Variants in RHEBL1 observed in about 807,000 individuals in gnomAD.
RHEBL1 encodes the protein GTPase RhebL1.
RHEBL1 carries 22 observed loss-of-function variants against 27.4 expected under a neutral mutation model. The ratio of observed to expected loss-of-function variants is 0.80; its 90% CI spans 0.57 to 1.15. The LOEUF is 1.15. Ranked by LOEUF, RHEBL1 falls within the 50% of genes most tolerant of loss-of-function variation. The pLI is 0.00. For missense variants in RHEBL1, 186 were observed against 226.5 expected, an observed-to-expected ratio of 0.82 and a Z score of 1.15; for synonymous variants, 85 against 80.8, an observed-to-expected ratio of 1.05 and a Z score of -0.28.
intron 2 of RHEBL1, among the ~76,000 whole-genome samples, chr12:49,068,122 C>CTTTTTTTTTTTTT (rs56250975): frequency 3.5e-5 from 5 of 144,922 alleles, no homozygotes; most frequent in Admixed American, 6.9e-5. Flanking sequence ...TCTTTTTATT[C>CTTTTTTTTTTTTT]TTTTTTTTTT....
intron 2 of RHEBL1, among the ~76,000 whole-genome samples, chr12:49,068,015 C>G (rs1939025038): frequency 6.6e-6 from 1 of 152,052 alleles, no homozygotes; most frequent in African/African-American, 2.4e-5. Flanking sequence ...TATAGTCACC[C>G]TACTGATCTA....
At chr12:49,069,666 C>T in intron 1 of RHEBL1, 68 bp downstream of exon 1, 3 of 1,442,910 alleles carry the variant, frequency 2.1e-6, no homozygotes, top group Non-Finnish European at 2.9e-6. Context: ...GGTCGCGTTC[C>T]CACGGCAGCG....
At chr12:49,065,840 G>A (rs536741457) in intron 6 of RHEBL1, among the ~76,000 whole-genome samples, 2 of 151,764 alleles carry the variant, frequency 1.3e-5, no homozygotes, top group Admixed American at 6.6e-5. Flanking sequence ...CAGGAGACTC[G>A]CTTGAACCCG....
In RHEBL1 at chr12:49,069,961, A is replaced by G; in HGVS notation, c.-176T>C. On this transcript the variant is annotated 5_prime_UTR_variant, in exon 1 of 8. Coordinates refer to ENST00000301068, the MANE Select transcript of RHEBL1 (RefSeq NM_144593.3). ...CGCGCCCGGAGCTGCCCACGTGATC[A>G]CAACACAGCACGTCTAACGCCAGGG... 1.6e-6 allele frequency: 1 copy of G among 613,218 alleles called. No individual in the cohort carries two copies. Among genetic ancestry groups the G allele is most frequent in the Non-Finnish European group, 2.9e-6 (1 of 344,022 alleles). The allele number at this position is 613,218 out of a possible 1,614,324, so 38.0% of individuals were successfully genotyped here. A position where few individuals can be genotyped will look rare whatever the true frequency, so the allele number is the denominator to read the frequency against.
At chr12:49,065,492 A>T in intron 6 of RHEBL1, 61 bp from the exon 7 acceptor site, 1 of 1,390,772 alleles carries the variant, frequency 7.2e-7, no homozygotes, top group Non-Finnish European at 1.0e-6. Context: ...GCTCTGAAAA[A>T]TCTTCAGAAT....
At chr12:49,069,642 A>T in intron 1 of RHEBL1, 92 bp downstream of exon 1, 1 of 1,119,668 alleles carries the variant, frequency 8.9e-7, no homozygotes, top group Non-Finnish European at 1.4e-6. Context: ...TTACGATGTC[A>T]TCATTCCTCC....
chr12:49,068,130 T>G lies in RHEBL1; in HGVS notation c.124+905A>C, dbSNP rs1565839984. 2.0e-5 allele frequency among the ~76,000 whole-genome samples: 3 copies of G among 151,448 alleles called. No homozygotes were observed. In the South Asian group the frequency reaches 6.3e-4, roughly 32 times the overall value. On this transcript the variant is annotated intron_variant, in intron 2 of 7. Transcript: ENST00000301068. ...CTTACATTCTTTTTATTCTTTTTTTTTTTTCTTTTTTTTCTTGAGACATTG... is the reference window on the plus strand; with the variant it reads ...CTTACATTCTTTTTATTCTTTTTTTGTTTTCTTTTTTTTCTTGAGACATTG...
At chr12:49,069,140 C>T in intron 1 of RHEBL1, 34 bp from the exon 2 acceptor site, 2 of 1,614,038 alleles carry the variant, frequency 1.2e-6, no homozygotes, top group Non-Finnish European at 1.7e-6. Context: ...GTATCCAAAT[C>T]ATCCATCCAC....
chr12:49,069,017 G>C lies in RHEBL1; in HGVS notation c.124+18C>G, dbSNP rs1333064905. 1.2e-6 allele frequency: 2 copies of C among 1,608,924 alleles called. No homozygotes were observed. The highest frequency in any genetic ancestry group is 1.7e-6 in the Non-Finnish European group (2 of 1,177,142). The stretch of plus-strand genomic sequence containing the variant: ...CGGGTCGCATACCACCAGCACACTA[G>C]GGGAGAAGTCTACTCACTATTCTCC... On this transcript the variant is annotated intron_variant, in intron 2 of 7. Coordinates refer to ENST00000301068, the MANE Select transcript of RHEBL1 (RefSeq NM_144593.3).
At chr12:49,069,570 T>C (rs796938235) in intron 1 of RHEBL1, among the ~76,000 whole-genome samples, 164 bp downstream of exon 1, 1 of 47,176 alleles carries the variant, frequency 2.1e-5, no homozygotes, top group Non-Finnish European at 4.8e-5. Flanking sequence ...CACCACCAAC[T>C]CTTCCAATCC....
intron 2 of RHEBL1, among the ~76,000 whole-genome samples, chr12:49,068,082 T>C (rs973263586): frequency 1.6e-4 from 24 of 152,032 alleles, no homozygotes; most frequent in African/African-American, 5.3e-4. Flanking sequence ...CAATTTATCT[T>C]CATCCCTCCC....
At position 49,065,136 on chromosome 12, in the gene RHEBL1, G is replaced by A. The variant is rs1938974481; in HGVS notation, c.519C>T (p.Ser173=). ...VIQEIARVEN[S]YGQERRCHLM is the part of the protein sequence containing the mutation. ...GATGGCAGCGACGCTCTTGCCCATA[G>A]GAATTCTCCACACGGGCAATCTCCT... Residue 173 remains serine (S), a synonymous_variant, in exon 8 of 8, where the codon TCC becomes TCT. Transcript: ENST00000301068. 1 of 1,614,054 alleles carries A rather than the reference G, an allele frequency of 6.2e-7. No homozygotes were observed.
chr12:49,068,466 C>T (rs1004417668), intron 2 of RHEBL1, among the ~76,000 whole-genome samples: 1 of 122,378 alleles, frequency 8.2e-6, no homozygotes, highest in African/African-American at 3.2e-5. Context: ...GAGACAGTCT[C>T]ACCCTGACAC....
intron 4 of RHEBL1, 37 bp from the exon 5 acceptor site, chr12:49,066,569 A>C (rs1592177026): frequency 6.2e-7 from 1 of 1,613,806 alleles, no homozygotes; most frequent in East Asian, 2.2e-5. Context: ...ACTTTATGAG[A>C]CAGTCCTCAG....
chr12:49,069,860 G>A lies in RHEBL1; in HGVS notation c.-75C>T. ...GAAAACGAGGTCAGGGTGTGAGCAGGCGCGGCAGCTGGTGCAGGAAAGTCG... is the reference window on the plus strand; with the variant it reads ...GAAAACGAGGTCAGGGTGTGAGCAGACGCGGCAGCTGGTGCAGGAAAGTCG... On this transcript the variant is annotated 5_prime_UTR_variant, in exon 1 of 8. Transcript: ENST00000301068. 1.5e-6 allele frequency: 2 copies of A among 1,340,774 alleles called. No individual in the cohort carries two copies. Among genetic ancestry groups the A allele is most frequent in the Non-Finnish European group, 2.1e-6 (2 of 938,556 alleles). 83.1% of individuals were successfully genotyped at this position (1,340,774 alleles called of 1,614,324 possible).
At chr12:49,066,396 T>G in intron 5 of RHEBL1, 80 bp downstream of exon 5, 1 of 1,562,218 alleles carries the variant, frequency 6.4e-7, no homozygotes, top group African/African-American at 1.4e-5. Context: ...GAGCCTCCTC[T>G]CTAACTTGAC....
At chr12:49,068,429 CTTTTTTT>C (rs56316449) in intron 2 of RHEBL1, among the ~76,000 whole-genome samples, 2 of 99,656 alleles carry the variant, frequency 2.0e-5, no homozygotes, top group Non-Finnish European at 3.9e-5. Flanking sequence ...CGGTGCCCAG[CTTTTTTT>C]TTTTTTTTTT....
At chr12:49,068,501 C>T (rs1331053958) in intron 2 of RHEBL1, among the ~76,000 whole-genome samples, 2 of 145,638 alleles carry the variant, frequency 1.4e-5, no homozygotes, top group Non-Finnish European at 3.0e-5. Flanking sequence ...AGTGGCACGA[C>T]CTTGGCTCAC....
chr12:49,068,002 A>C (rs1470717581), intron 2 of RHEBL1, among the ~76,000 whole-genome samples: 1 of 152,168 alleles, frequency 6.6e-6, no homozygotes, highest in African/African-American at 2.4e-5. Flanking sequence ...GCTTATTGTA[A>C]GCTATAGTCA....
Sources: gnomAD v4.1 joint callset for allele counts (sites outside exome capture counted in the v4.1 genomes callset) on GRCh38, gnomAD v4.1.1 for gene constraint, MANE v1.5 for transcripts, NCBI Gene and HGNC (gene_info 2026-07-23, HGNC 2026-07-21) for gene names.